AIDA: variants seen among roughly 807,000 people sequenced by gnomAD.
AIDA encodes axin interactor, dorsalization-associated protein.
A neutral mutation model predicts 42.7 loss-of-function variants in AIDA; 18 were observed. The observed-to-expected ratio is 0.42, with a 90% confidence interval of 0.29 to 0.63. The LOEUF (loss-of-function observed/expected upper bound fraction) is 0.63, where lower values mean the gene tolerates loss of function less well. AIDA is among the 20% of genes least tolerant of loss of function. AIDA has a pLI of 0.19. For synonymous variants in AIDA, 104 were observed against 122.9 expected (o/e 0.85, Z 1.02); for missense variants, 250 against 354.1 (o/e 0.71, Z 2.36).
chr1:222,684,148 G>A (rs977642597), intron 6 of AIDA, among the ~76,000 whole-genome samples: 18 of 151,154 alleles, frequency 1.2e-4, no homozygotes, highest in African/African-American at 4.4e-4. Context: ...TCTGGCTGTT[G>A]TTAGCCTGGG....
intron 6 of AIDA, among the ~76,000 whole-genome samples, chr1:222,677,623 A>C (rs1370512991): frequency 6.6e-6 from 1 of 152,224 alleles, no homozygotes; most frequent in Non-Finnish European, 1.5e-5. Flanking sequence ...AAATCATGAA[A>C]GAAATTAGAA....
intron 1 of AIDA, 93 bp from the exon 2 acceptor site, chr1:222,703,310 A>C: frequency 1.1e-6 from 1 of 886,972 alleles, no homozygotes; most frequent in Non-Finnish European, 1.7e-6. Context: ...TGTGAAGTAC[A>C]ATTATTGTCC....
chr1:222,712,360 G>A lies in AIDA; in HGVS notation c.-43C>T, dbSNP rs1368948826. The stretch of plus-strand genomic sequence containing the variant: ...TCCCCTCCCGCCCCTACCCCAGCAA[G>A]GCCGGGTTCTAGGGCGCCATCCTCC... On this transcript the variant is annotated 5_prime_UTR_variant, in exon 1 of 10. Transcript: ENST00000340020. The A allele has an allele frequency of 6.6e-5, 60 of 907,094 alleles. No individual in the cohort carries two copies. Among genetic ancestry groups the A allele is most frequent in the Non-Finnish European group, 8.9e-5 (56 of 632,684 alleles). The allele number at this position is 907,094 out of a possible 1,614,324, so 56.2% of individuals were successfully genotyped here.
At chr1:222,699,315 T>A (rs1257852285) in intron 2 of AIDA, among the ~76,000 whole-genome samples, 1 of 152,212 alleles carries the variant, frequency 6.6e-6, no homozygotes. Context: ...TTTTCCATTT[T>A]CCTCTTTTGA....
chr1:222,672,149 G>A (rs1361424958), intron 8 of AIDA, among the ~76,000 whole-genome samples: 1 of 151,898 alleles, frequency 6.6e-6, no homozygotes, highest in East Asian at 1.9e-4. Flanking sequence ...TAAACAGTAA[G>A]TTTGAAGCTG....
At chr1:222,680,986 A>G (rs74474294) in intron 6 of AIDA, among the ~76,000 whole-genome samples, 1,875 of 152,274 alleles carry the variant, frequency 0.012, 51 homozygotes, top group African/African-American at 0.043. Flanking sequence ...ACAAGAGATG[A>G]CTTTTCATAT....
At chr1:222,681,919 T>C (rs1664660663) in intron 6 of AIDA, among the ~76,000 whole-genome samples, 2 of 152,164 alleles carry the variant, frequency 1.3e-5, no homozygotes, top group African/African-American at 4.8e-5. Flanking sequence ...CACTTACAAC[T>C]TCTCTGTTCC....
At chr1:222,689,528 TAC>T (rs531432390) in intron 4 of AIDA, among the ~76,000 whole-genome samples, 13,160 of 76,356 alleles carry the variant, frequency 0.17, 1,507 homozygotes, top group African/African-American at 0.32. Flanking sequence ...TATACACACA[TAC>T]ACACACACAC....
At chr1:222,675,044 A>C (rs1664520019) in intron 7 of AIDA, among the ~76,000 whole-genome samples, 1 of 152,190 alleles carries the variant, frequency 6.6e-6, no homozygotes, top group Non-Finnish European at 1.5e-5. Flanking sequence ...TCAGAAGTTA[A>C]AGTTTCACAG....
chr1:222,691,535 T>G (rs1450137262), intron 4 of AIDA, among the ~76,000 whole-genome samples: 2 of 152,128 alleles, frequency 1.3e-5, no homozygotes, highest in Non-Finnish European at 2.9e-5. Context: ...CTACCACTAT[T>G]TAGCCGACTA....
intron 1 of AIDA, chr1:222,711,958 G>A (rs142672601): frequency 2.5e-5 from 12 of 484,872 alleles, no homozygotes; most frequent in Non-Finnish European, 3.7e-5. Flanking sequence ...GGAAAGAAGG[G>A]CTACCTGTTG....
chr1:222,692,085 TA>T (rs1655388343), intron 4 of AIDA, among the ~76,000 whole-genome samples: 1 of 152,212 alleles, frequency 6.6e-6, no homozygotes, highest in Admixed American at 6.5e-5. Flanking sequence ...TTTCACCAAT[TA>T]TAGAATAACA....
At position 222,677,171 on chromosome 1, in the gene AIDA, A is replaced by G. The variant is rs139559706; in HGVS notation, c.461-953T>C. Among the ~76,000 whole-genome samples, 16 of 152,220 alleles carry G rather than the reference A, an allele frequency of 1.1e-4. No individual in the cohort carries two copies. The East Asian group carries it at 2.5e-3, about 24-fold the overall frequency. ...TTCTGATACTATTATAGACGTTATA[A>G]TATTTCATTTTCTGAGCACTTATTG... On this transcript the variant is annotated intron_variant, in intron 6 of 9. Coordinates refer to ENST00000340020, the MANE Select transcript of AIDA (RefSeq NM_022831.4).
At position 222,689,522 on chromosome 1, in the gene AIDA, CACACAT is replaced by C. The variant is rs1355015071; in HGVS notation, c.290-1870_290-1865del. On this transcript the variant is annotated intron_variant, in intron 4 of 9. Coordinates refer to ENST00000340020, the MANE Select transcript of AIDA (RefSeq NM_022831.4). ...ATATATATATATATATATATATATA[CACACAT>C]ACACACACACACATATATATACATA... is the stretch of plus-strand genomic sequence containing the variant. Among the ~76,000 whole-genome samples, 79 of 57,362 alleles carry C rather than the reference CACACAT, an allele frequency of 1.4e-3. 3 individuals carry two copies. The South Asian group carries it at 0.016, about 11-fold the overall frequency. The allele number at this position is 57,362 out of a possible 152,430, so 37.6% of individuals were successfully genotyped here. A position where few individuals can be genotyped will look rare whatever the true frequency, so the allele number is the denominator to read the frequency against.
chr1:222,698,569 A>T (rs1655585547), intron 2 of AIDA, among the ~76,000 whole-genome samples: 2 of 151,708 alleles, frequency 1.3e-5, no homozygotes, highest in African/African-American at 4.8e-5. Context: ...CTCCTGCCTA[A>T]ACCTCCCAAG....
At chr1:222,698,018 T>C (rs747992267) in intron 2 of AIDA, among the ~76,000 whole-genome samples, 2 of 152,208 alleles carry the variant, frequency 1.3e-5, no homozygotes, top group Non-Finnish European at 2.9e-5. Context: ...AGAAACTTAC[T>C]TGAGAAAATC....
chr1:222,692,911 G>C (rs1247586364), intron 4 of AIDA, among the ~76,000 whole-genome samples: 2 of 152,140 alleles, frequency 1.3e-5, no homozygotes, highest in African/African-American at 4.8e-5. Context: ...ATTTTCAAGA[G>C]ATTTTTTAAA....
At chr1:222,689,064 T>C (rs181921995) in intron 4 of AIDA, among the ~76,000 whole-genome samples, 1 of 152,136 alleles carries the variant, frequency 6.6e-6, no homozygotes. Flanking sequence ...TGTGTGTGTT[T>C]CTTAGTTGTT....
Position 222,712,378 on chromosome 1 carries a change from C to G in AIDA, c.-61G>C, listed in dbSNP as rs1431950013. On this transcript the variant is annotated 5_prime_UTR_variant, in exon 1 of 10. The change abolishes an upstream ATG in the 5' untranslated region. Coordinates refer to ENST00000340020, the MANE Select transcript of AIDA (RefSeq NM_022831.4). ...CCAGCAAGGCCGGGTTCTAGGGCGC[C>G]ATCCTCCCCCGGCCTGGCCCCGACA... The G allele has an allele frequency of 1.3e-6, 2 of 1,497,222 alleles. No individual in the cohort carries two copies. Among genetic ancestry groups the G allele is most frequent in the Non-Finnish European group, 1.8e-6 (2 of 1,121,398 alleles). The allele number at this position is 1,497,222 out of a possible 1,614,324, so 92.7% of individuals were successfully genotyped here.
Sources: gnomAD v4.1 joint callset for allele counts (sites outside exome capture counted in the v4.1 genomes callset) on GRCh38, gnomAD v4.1.1 for gene constraint, MANE v1.5 for transcripts, NCBI Gene and HGNC (gene_info 2026-07-23, HGNC 2026-07-21) for gene names.